Variants in VAPA observed in about 807,000 individuals in gnomAD.
VAPA encodes VAMP associated protein A.
VAPA carries 6 observed loss-of-function variants against 25.6 expected under a neutral mutation model. The observed-to-expected ratio is 0.23, with a 90% CI of 0.13 to 0.46. The LOEUF is 0.46. Ranked by LOEUF, VAPA falls within the 20% of genes least tolerant of loss-of-function variation. The pLI, the probability that VAPA is intolerant of heterozygous loss-of-function variation, is 0.99. For missense variants in VAPA, 244 were observed against 302.1 expected (o/e 0.81, Z 1.43); for synonymous variants, 112 against 106.2 (o/e 1.05, Z -0.34).
At chr18:9,944,725 G>T (rs29135) in intron 4 of VAPA, among the ~76,000 whole-genome samples, 1 of 152,128 alleles carries the variant, frequency 6.6e-6, no homozygotes, top group Non-Finnish European at 1.5e-5. Flanking sequence ...ATTTTGTTTG[G>T]GAAATACAAA....
At chr18:9,921,858 C>G (rs1287981411) in intron 1 of VAPA, among the ~76,000 whole-genome samples, 1 of 152,154 alleles carries the variant, frequency 6.6e-6, no homozygotes, top group South Asian at 2.1e-4. Context: ...AACTTTCAAA[C>G]ATGAGCACCT....
chr18:9,914,968 T>A (rs1388310787), intron 1 of VAPA: 1 of 151,492 alleles, frequency 6.6e-6, no homozygotes, highest in Admixed American at 6.6e-5. Context: ...TTCCGCCAGG[T>A]TTAGAACTCG....
chr18:9,953,702 T>TA (rs1567904057), intron 5 of VAPA, among the ~76,000 whole-genome samples: 2 of 152,246 alleles, frequency 1.3e-5, no homozygotes, highest in East Asian at 1.9e-4. Context: ...TAGTGGGATT[T>TA]AAAAAAAGGT....
intron 2 of VAPA, among the ~76,000 whole-genome samples, chr18:9,934,168 A>G (rs771090938): frequency 1.3e-5 from 2 of 151,922 alleles, no homozygotes; most frequent in Non-Finnish European, 2.9e-5. Flanking sequence ...TCTTCCAACA[A>G]CCTTCTCTGG....
intron 4 of VAPA, among the ~76,000 whole-genome samples, chr18:9,940,709 A>G (rs1309829637): frequency 6.6e-6 from 1 of 152,210 alleles, no homozygotes; most frequent in African/African-American, 2.4e-5. Flanking sequence ...AATTACAGCA[A>G]TACATAAATA....
At chr18:9,933,885 TACAA>T (rs989134159) in intron 2 of VAPA, among the ~76,000 whole-genome samples, 1 of 152,210 alleles carries the variant, frequency 6.6e-6, no homozygotes, top group African/African-American at 2.4e-5. Context: ...AGTTTATTGG[TACAA>T]ACAGTTATAT....
At chr18:9,936,262 G>A in intron 3 of VAPA, 49 bp downstream of exon 3, 1 of 1,272,602 alleles carries the variant, frequency 7.9e-7, no homozygotes, top group South Asian at 1.7e-5. Flanking sequence ...TTAAACTGTG[G>A]GTGTTGTTTA....
At chr18:9,927,371 T>C (rs1290725843) in intron 1 of VAPA, among the ~76,000 whole-genome samples, 2 of 152,118 alleles carry the variant, frequency 1.3e-5, no homozygotes, top group African/African-American at 4.8e-5. Flanking sequence ...TGATTCTCTT[T>C]GCAGCTGAAC....
Position 9,935,309 on chromosome 18 carries a change from C to T in VAPA, c.233-801C>T, listed in dbSNP as rs190489630. Among the ~76,000 whole-genome samples, 5 of 152,200 alleles carry T rather than the reference C, an allele frequency of 3.3e-5. No homozygotes were observed. In the East Asian group the frequency reaches 5.8e-4, roughly 18 times the overall value. On this transcript the variant is annotated intron_variant, in intron 2 of 5. Transcript: ENST00000400000. ...TATATGGGCTGGGTGCTGTGGCTTACGCCTGTAATCCTAGCACTTCGGGAG... is the reference window on the plus strand; with the variant it reads ...TATATGGGCTGGGTGCTGTGGCTTATGCCTGTAATCCTAGCACTTCGGGAG...
chr18:9,949,959 A>G (rs1192915397), intron 4 of VAPA: 1 of 155,780 alleles, frequency 6.4e-6, no homozygotes, highest in Non-Finnish European at 1.4e-5. Context: ...AATGATTACG[A>G]TAATATCCCC....
chr18:9,924,578 A>G (rs1189313289), intron 1 of VAPA, among the ~76,000 whole-genome samples: 1 of 152,174 alleles, frequency 6.6e-6, no homozygotes, highest in Admixed American at 6.5e-5. Context: ...GCATCAGAAT[A>G]CCTTAAAAAG....
chr18:9,931,919 C>T lies in VAPA; in HGVS notation c.189C>T (p.Pro63=), dbSNP rs751654870. 5.6e-6 allele frequency: 9 copies of T among 1,609,778 alleles called. No homozygotes were observed. The highest frequency in any genetic ancestry group is 5.3e-5 in the African/African-American group (4 of 74,908). ...TTAPRRYCVR[P]NSGIIDPGST... is the part of the protein sequence containing the mutation. The stretch of plus-strand genomic sequence containing the variant: ...CACCTCGCCGGTACTGTGTGAGGCC[C>T]AACAGTGGAATTATTGACCCAGGGT... Residue 63 remains proline (P), a synonymous_variant, in exon 2 of 6, where the codon CCC becomes CCT. Transcript: ENST00000400000.
chr18:9,934,308 G>A (rs911633757), intron 2 of VAPA, among the ~76,000 whole-genome samples: 9 of 152,120 alleles, frequency 5.9e-5, no homozygotes, highest in African/African-American at 1.9e-4. Flanking sequence ...TTGTTATGTG[G>A]TCTGCAACCT....
chr18:9,955,020 A>C lies in VAPA; in HGVS notation c.*809A>C, dbSNP rs540949147. 1.3e-5 allele frequency: 2 copies of C among 152,302 alleles called. No homozygotes were observed. The highest frequency in any genetic ancestry group is 4.8e-5 in the African/African-American group (2 of 41,580). The allele number at this position is 152,302 out of a possible 1,614,324, so 9.4% of individuals were successfully genotyped here. A position where few individuals can be genotyped will look rare whatever the true frequency, so the allele number is the denominator to read the frequency against. On this transcript the variant is annotated 3_prime_UTR_variant, in exon 6 of 6. Coordinates refer to ENST00000400000, the MANE Select transcript of VAPA (RefSeq NM_194434.3). ...ACTGGTATTTTGGGAGATTATAATCAGTTTGTTTTCAAGATAATAGAAAAT... is the reference window on the plus strand; with the variant it reads ...ACTGGTATTTTGGGAGATTATAATCCGTTTGTTTTCAAGATAATAGAAAAT...
intron 4 of VAPA, chr18:9,945,096 A>G (rs778383174): frequency 1.2e-6 from 2 of 1,607,218 alleles, no homozygotes; most frequent in Non-Finnish European, 1.7e-6. Flanking sequence ...GGAGTCTACT[A>G]GTGTCAATGG....
In VAPA at chr18:9,955,164, A is replaced by G. The variant is rs563012576; in HGVS notation, c.*953A>G. On this transcript the variant is annotated 3_prime_UTR_variant, in exon 6 of 6. Transcript: ENST00000400000. ...AGAGTATGTTCTCAAGGAAGATTTA[A>G]CTCTCTTTGGTTTTAAATTACTTTT... The G allele has an allele frequency of 2.6e-5, 4 of 152,236 alleles. No individual in the cohort carries two copies. In the East Asian group the frequency reaches 7.7e-4, roughly 29 times the overall value. 9.4% of individuals were successfully genotyped at this position (152,236 alleles called of 1,614,324 possible). A position where few individuals can be genotyped will look rare whatever the true frequency, so the allele number is the denominator to read the frequency against.
intron 4 of VAPA, chr18:9,947,495 GA>G (rs2069438258): frequency 6.6e-6 from 1 of 152,218 alleles, no homozygotes; most frequent in Admixed American, 6.5e-5. Flanking sequence ...AACTCAGATG[GA>G]GGATTACTGC....
intron 1 of VAPA, among the ~76,000 whole-genome samples, chr18:9,925,483 T>C (rs965518423): frequency 1.3e-5 from 2 of 152,150 alleles, no homozygotes; most frequent in African/African-American, 4.8e-5. Flanking sequence ...ACTCATTTTT[T>C]TTCCCAGAAA....
Position 9,956,950 on chromosome 18 carries a change from T to A in VAPA, c.*2739T>A, listed in dbSNP as rs1259249882. 6.6e-6 allele frequency: 1 copy of A among 152,076 alleles called. No homozygotes were observed. The highest frequency in any genetic ancestry group is 6.5e-5 in the Admixed American group (1 of 15,274). The allele number at this position is 152,076 out of a possible 1,614,324, so 9.4% of individuals were successfully genotyped here. A position where few individuals can be genotyped will look rare whatever the true frequency, so the allele number is the denominator to read the frequency against. On this transcript the variant is annotated 3_prime_UTR_variant, in exon 6 of 6. Coordinates refer to ENST00000400000, the MANE Select transcript of VAPA (RefSeq NM_194434.3). ...AGAAGCTAAGTCATTATGTTCTGAG[T>A]GTGTGGTATGTTCCCTTAAAAAAAA...
Sources: allele counts gnomAD v4.1 joint callset (sites outside exome capture counted in the v4.1 genomes callset), GRCh38; gene constraint gnomAD v4.1.1; transcripts MANE v1.5; gene names NCBI Gene and HGNC (gene_info 2026-07-23, HGNC 2026-07-21).